Variants in APAF1 observed in about 807,000 individuals in gnomAD.
The protein encoded by APAF1 is apoptotic peptidase activating factor 1.
In APAF1, 91 loss-of-function variants were observed where a neutral mutation model predicts 152.4. The ratio of observed to expected loss-of-function variants is 0.60; its 90% CI spans 0.50 to 0.71. APAF1 has a LOEUF of 0.71. Among genes scored for constraint, APAF1 ranks in the 30% least tolerant of loss-of-function variants. The probability of loss-of-function intolerance (pLI) is 0.00; values close to 1 mark genes in which losing one functional copy is unlikely to be tolerated. For missense variants in APAF1, 1,283 were observed against 1,472.0 expected, an observed-to-expected ratio of 0.87 and a Z score of 2.10; for synonymous variants, 484 against 494.1, an observed-to-expected ratio of 0.98 and a Z score of 0.27.
chr12:98,683,957 C>T (rs1346203116), intron 15 of APAF1, among the ~76,000 whole-genome samples: 3 of 152,032 alleles, frequency 2.0e-5, no homozygotes, highest in Non-Finnish European at 4.4e-5. Flanking sequence ...TCTTTTTTTC[C>T]TCTTAAGTGG....
chr12:98,695,545 C>T lies in APAF1; in HGVS notation c.2305-3863C>T, dbSNP rs192298333. On this transcript the variant is annotated intron_variant, in intron 16 of 26. Coordinates refer to ENST00000551964, the MANE Select transcript of APAF1 (RefSeq NM_181861.2). ...ATGCCTGGCTAGAAGAAATTTTAAT[C>T]TCCTATTTGTAGGATATGACTCTGG... is the stretch of plus-strand genomic sequence containing the variant. Among the ~76,000 whole-genome samples the T allele has an allele frequency of 6.5e-3, 988 of 152,242 alleles. 13 individuals carry two copies. The highest frequency in any genetic ancestry group is 6.6e-3 in the Non-Finnish European group (452 of 68,016).
chr12:98,706,030 A>G (rs2153337355), intron 18 of APAF1, among the ~76,000 whole-genome samples: 1 of 152,310 alleles, frequency 6.6e-6, no homozygotes, highest in Admixed American at 6.5e-5. Context: ...TTGCATATAT[A>G]AGCAGATATC....
In APAF1 at chr12:98,683,178, C is replaced by G; in HGVS notation, c.2082C>G (p.Thr694=). ...WNSMTGELVH[T]YDEHSEQVNC... ...CTATGACTGGGGAACTAGTACACAC[C>G]TATGATGAGCACTCAGAGCAAGTCA... The change falls in exon 15 of 27, where the codon ACC becomes ACG. Residue 694 remains threonine (T), a synonymous_variant. Coordinates refer to ENST00000551964, the MANE Select transcript of APAF1 (RefSeq NM_181861.2). 1.2e-6 allele frequency: 2 copies of G among 1,613,412 alleles called. No homozygotes were observed. The highest frequency in any genetic ancestry group is 1.7e-6 in the Non-Finnish European group (2 of 1,179,522).
chr12:98,705,497 T>G (rs1424427310), intron 18 of APAF1, among the ~76,000 whole-genome samples: 2 of 152,328 alleles, frequency 1.3e-5, no homozygotes, highest in East Asian at 1.9e-4. Context: ...CAGAACTCAC[T>G]GAATGAAAAC....
At chr12:98,646,846 C>T (rs2097641397) in intron 1 of APAF1, among the ~76,000 whole-genome samples, 1 of 152,150 alleles carries the variant, frequency 6.6e-6, no homozygotes, top group Admixed American at 6.5e-5. Context: ...GGCTGTTATT[C>T]TTTCCTCATG....
At chr12:98,731,471 G>A (rs941371023) in intron 26 of APAF1, among the ~76,000 whole-genome samples, 2 of 152,204 alleles carry the variant, frequency 1.3e-5, no homozygotes, top group African/African-American at 4.8e-5. Flanking sequence ...ATTTTACAAA[G>A]CAAACTTGTG....
At chr12:98,677,330 A>G in intron 12 of APAF1, 95 bp from the exon 13 acceptor site, 2 of 1,302,578 alleles carry the variant, frequency 1.5e-6, no homozygotes, top group South Asian at 1.2e-5. Flanking sequence ...GGGGAACATA[A>G]CCATGTTAAA....
chr12:98,679,867 A>G (rs1358204866), intron 13 of APAF1, among the ~76,000 whole-genome samples: 2 of 152,352 alleles, frequency 1.3e-5, no homozygotes, highest in East Asian at 3.9e-4. Flanking sequence ...TCACTCACAC[A>G]CGCCTCGCTG....
In APAF1 at chr12:98,732,847, T is replaced by C; in HGVS notation, c.*281T>C. 1 of 369,800 alleles carries C rather than the reference T, an allele frequency of 2.7e-6. No individual in the cohort carries two copies. The highest frequency in any genetic ancestry group is 5.0e-6 in the Non-Finnish European group (1 of 201,522). 22.9% of individuals were successfully genotyped at this position (369,800 alleles called of 1,614,324 possible). Reference sequence around the variant, plus strand: ...GTTGTACTGTTGGTAAAATTCTGTCTTGATGCATTCAAAATGGTTGACATA... The same window carrying C: ...GTTGTACTGTTGGTAAAATTCTGTCCTGATGCATTCAAAATGGTTGACATA... On this transcript the variant is annotated 3_prime_UTR_variant, in exon 27 of 27. Transcript: ENST00000551964.
At chr12:98,713,117 C>G (rs1000426991) in intron 21 of APAF1, among the ~76,000 whole-genome samples, 1 of 152,188 alleles carries the variant, frequency 6.6e-6, no homozygotes, top group Non-Finnish European at 1.5e-5. Context: ...CCACATCCAG[C>G]CTATTGTACA....
intron 12 of APAF1, among the ~76,000 whole-genome samples, chr12:98,673,994 T>C (rs1253283342): frequency 6.6e-6 from 1 of 151,922 alleles, no homozygotes; most frequent in African/African-American, 2.4e-5. Flanking sequence ...TTTTTGTTGG[T>C]TTTATTTATT....
chr12:98,672,978 G>C (rs940423288), intron 12 of APAF1, among the ~76,000 whole-genome samples: 1 of 151,144 alleles, frequency 6.6e-6, no homozygotes, highest in African/African-American at 2.4e-5. Context: ...GGCTGGTCTC[G>C]AACTCCAGAC....
At chr12:98,661,290 G>A (rs1480421257) in intron 5 of APAF1, among the ~76,000 whole-genome samples, 1 of 151,954 alleles carries the variant, frequency 6.6e-6, no homozygotes, top group Non-Finnish European at 1.5e-5. Flanking sequence ...CTTTTCCCTA[G>A]TTCTACTTTT....
Position 98,701,096 on chromosome 12 carries a change from C to G in APAF1, c.2466+1527C>G, listed in dbSNP as rs534306249. 2.6e-5 allele frequency among the ~76,000 whole-genome samples: 4 copies of G among 151,948 alleles called. No homozygotes were observed. The East Asian group carries it at 7.7e-4, about 29-fold the overall frequency. On this transcript the variant is annotated intron_variant, in intron 17 of 26. Coordinates refer to ENST00000551964, the MANE Select transcript of APAF1 (RefSeq NM_181861.2). ...ATATTCCTCTTCAGAAAACTTTGAACCTTATCCCCTAGCCGACCTATAATG... is the reference window on the plus strand; with the variant it reads ...ATATTCCTCTTCAGAAAACTTTGAAGCTTATCCCCTAGCCGACCTATAATG...
chr12:98,690,100 A>G (rs1470403210), intron 16 of APAF1, among the ~76,000 whole-genome samples: 1 of 152,200 alleles, frequency 6.6e-6, no homozygotes, highest in Non-Finnish European at 1.5e-5. Context: ...GTTTGTTAGA[A>G]TCTCTAGGGA....
chr12:98,709,188 A>C (rs2097725071), intron 20 of APAF1, among the ~76,000 whole-genome samples: 1 of 152,204 alleles, frequency 6.6e-6, no homozygotes, highest in South Asian at 2.1e-4. Context: ...TCATTTACAC[A>C]CACCTTTGTT....
In APAF1 at chr12:98,708,465, T is replaced by A. The variant is rs186855672; in HGVS notation, c.2722-120T>A. The A allele has an allele frequency of 1.3e-5, 13 of 1,002,600 alleles. No individual in the cohort carries two copies. The African/African-American group carries it at 1.6e-4, about 13-fold the overall frequency. The allele number at this position is 1,002,600 out of a possible 1,614,324, so 62.1% of individuals were successfully genotyped here. ...AAATATTTATTTTTGGATTATAATC[T>A]AATATTGAAACCTTTCTAGCATCAT... is the stretch of plus-strand genomic sequence containing the variant. On this transcript the variant is annotated intron_variant, in intron 19 of 26. Coordinates refer to ENST00000551964, the MANE Select transcript of APAF1 (RefSeq NM_181861.2).
intron 20 of APAF1, among the ~76,000 whole-genome samples, chr12:98,709,047 T>C (rs1166360784): frequency 6.6e-6 from 1 of 152,172 alleles, no homozygotes; most frequent in East Asian, 1.9e-4. Flanking sequence ...GATGAGCATA[T>C]GGAAGCATTT....
chr12:98,663,194 G>A (rs999846669), intron 7 of APAF1, among the ~76,000 whole-genome samples: 4 of 151,940 alleles, frequency 2.6e-5, no homozygotes, highest in Non-Finnish European at 4.4e-5. Flanking sequence ...TTTTTTTAGC[G>A]AAGTTAAACT....
Sources: allele counts gnomAD v4.1 joint callset (sites outside exome capture counted in the v4.1 genomes callset), GRCh38; gene constraint gnomAD v4.1.1; transcripts MANE v1.5; gene names NCBI Gene and HGNC (gene_info 2026-07-23, HGNC 2026-07-21).